AGBL1: variants seen among roughly 807,000 people sequenced by gnomAD.
AGBL1 encodes the protein AGBL carboxypeptidase 1.
A neutral mutation model predicts 118.9 loss-of-function variants in AGBL1; 130 were observed. The observed-to-expected ratio is 1.09, with a 90% confidence interval of 0.95 to 1.26. The LOEUF is 1.26. AGBL1 is among the 50% of genes most tolerant of loss of function. The probability of loss-of-function intolerance (pLI) is 0.00; values close to 1 mark genes in which losing one functional copy is unlikely to be tolerated. For synonymous variants in AGBL1, 555 were observed against 478.9 expected (o/e 1.16, Z -2.08); for missense variants, 1,584 against 1,298.1 (o/e 1.22, Z -3.38).
upstream of AGBL1, chr15:86,079,853 C>A: frequency 1.6e-6 from 1 of 623,782 alleles, no homozygotes; most frequent in Non-Finnish European, 2.3e-6. Context: ...GCAGCATGTG[C>A]AGCTGAGGCC....
At chr15:86,488,767 T>C (rs756950371) in intron 18 of AGBL1, among the ~76,000 whole-genome samples, 38 of 152,064 alleles carry the variant, frequency 2.5e-4, no homozygotes, top group African/African-American at 6.5e-4. Context: ...TTTCCAATGA[T>C]GGGGAAATGT....
intron 23 of AGBL1, among the ~76,000 whole-genome samples, chr15:86,983,049 A>T (rs1036650311): frequency 6.6e-6 from 1 of 152,144 alleles, no homozygotes; most frequent in Non-Finnish European, 1.5e-5. Context: ...ATTTACTATT[A>T]TCACACCTTT....
chr15:86,830,363 AT>A (rs202075570), intron 22 of AGBL1, among the ~76,000 whole-genome samples: 6 of 151,880 alleles, frequency 4.0e-5, no homozygotes, highest in Admixed American at 6.6e-5. Context: ...TTTGAACCTT[AT>A]TTTTTTTAAA....
intron 18 of AGBL1, among the ~76,000 whole-genome samples, chr15:86,431,329 C>T (rs767312411): frequency 6.6e-6 from 1 of 152,126 alleles, no homozygotes. Flanking sequence ...TATAATGTTC[C>T]CTTCATTATG....
chr15:86,219,098 T>G (rs1373893872), intron 5 of AGBL1, among the ~76,000 whole-genome samples: 1 of 152,208 alleles, frequency 6.6e-6, no homozygotes, highest in East Asian at 1.9e-4. Context: ...AGAGATAGTT[T>G]GGTCCTATGT....
In AGBL1 at chr15:86,352,893, C is replaced by G. The variant is rs188673058; in HGVS notation, c.2375-44473C>G. ...TTCTAGAGACCTCAGGTTATGACAA[C>G]CTCTTAAGTTGGAAAGTAGCTTAAT... On this transcript the variant is annotated intron_variant, in intron 17 of 22. Coordinates refer to ENST00000614907, the MANE Select transcript of AGBL1 (RefSeq NM_001386094.1). Among the ~76,000 whole-genome samples, 41 of 152,256 alleles carry G rather than the reference C, an allele frequency of 2.7e-4. No homozygotes were observed. The East Asian group carries it at 4.4e-3, about 16-fold the overall frequency.
chr15:86,726,631 T>C (rs2086822584), intron 22 of AGBL1, among the ~76,000 whole-genome samples: 1 of 152,180 alleles, frequency 6.6e-6, no homozygotes, highest in South Asian at 2.1e-4. Context: ...GTACAGTCAC[T>C]ACTTACTGCA....
At chr15:86,190,364 T>C (rs1231131433) in intron 5 of AGBL1, among the ~76,000 whole-genome samples, 4 of 152,158 alleles carry the variant, frequency 2.6e-5, no homozygotes, top group African/African-American at 9.7e-5. Context: ...TCTTATTTTG[T>C]TGTTTAAATA....
chr15:86,605,523 A>G (rs183049481), intron 21 of AGBL1, among the ~76,000 whole-genome samples: 542 of 152,284 alleles, frequency 3.6e-3, no homozygotes, highest in Non-Finnish European at 5.7e-3. Flanking sequence ...ATGATGGTGC[A>G]ACTGGGGATT....
At chr15:86,811,998 TC>T (rs1358156196) in intron 22 of AGBL1, among the ~76,000 whole-genome samples, 1 of 152,194 alleles carries the variant, frequency 6.6e-6, no homozygotes, top group East Asian at 1.9e-4. Flanking sequence ...TTCAGATCAA[TC>T]AACATATAAG....
chr15:86,774,745 A>G (rs954865250), intron 22 of AGBL1, among the ~76,000 whole-genome samples: 2 of 152,048 alleles, frequency 1.3e-5, no homozygotes, highest in Admixed American at 6.6e-5. Flanking sequence ...AAGTGCTACA[A>G]TATGTATCAA....
At chr15:86,111,870 T>C (rs13329128) in intron 1 of AGBL1, among the ~76,000 whole-genome samples, 7,216 of 152,192 alleles carry the variant, frequency 0.047, 567 homozygotes, top group African/African-American at 0.16. Flanking sequence ...CCACTCCCTA[T>C]CTCTCTCATT....
chr15:86,983,976 T>C (rs1269412060), intron 23 of AGBL1, among the ~76,000 whole-genome samples: 2 of 152,196 alleles, frequency 1.3e-5, no homozygotes, highest in African/African-American at 4.8e-5. Flanking sequence ...ATTTGGATCC[T>C]AAAATATTTA....
intron 17 of AGBL1, among the ~76,000 whole-genome samples, chr15:86,390,808 T>G (rs1357383427): frequency 6.6e-6 from 1 of 151,764 alleles, no homozygotes; most frequent in Non-Finnish European, 1.5e-5. Flanking sequence ...GAGCTGGGAT[T>G]ACAGGCGCCT....
At chr15:86,994,053 C>T (rs1286023033) in intron 24 of AGBL1, among the ~76,000 whole-genome samples, 1 of 152,110 alleles carries the variant, frequency 6.6e-6, no homozygotes, top group Non-Finnish European at 1.5e-5. Context: ...GTGTCACATT[C>T]ATTCTGTGAC....
At chr15:86,152,515 C>T (rs1038028036) in intron 3 of AGBL1, among the ~76,000 whole-genome samples, 1 of 152,130 alleles carries the variant, frequency 6.6e-6, no homozygotes, top group Non-Finnish European at 1.5e-5. Flanking sequence ...AAAATTAATT[C>T]AAGATGGATT....
intron 22 of AGBL1, among the ~76,000 whole-genome samples, chr15:86,696,749 G>A (rs2086269562): frequency 1.3e-5 from 2 of 151,808 alleles, no homozygotes; most frequent in African/African-American, 4.8e-5. Context: ...GATTTGTTAA[G>A]AGATTTGGAG....
chr15:86,162,863 C>T (rs1348650570), intron 5 of AGBL1, among the ~76,000 whole-genome samples: 2 of 152,166 alleles, frequency 1.3e-5, no homozygotes, highest in Non-Finnish European at 2.9e-5. Flanking sequence ...GCCATGCTGC[C>T]TTGTGCAGTG....
intron 21 of AGBL1, among the ~76,000 whole-genome samples, chr15:86,568,861 G>A (rs895284189): frequency 6.6e-6 from 1 of 152,154 alleles, no homozygotes; most frequent in African/African-American, 2.4e-5. Flanking sequence ...CAACTTTTCT[G>A]TTAAGGCAAG....
Sources: gnomAD v4.1 joint callset for allele counts (sites outside exome capture counted in the v4.1 genomes callset) on GRCh38, gnomAD v4.1.1 for gene constraint, MANE v1.5 for transcripts, NCBI Gene and HGNC (gene_info 2026-07-23, HGNC 2026-07-21) for gene names.